The following CNOT1 variants were observed in gnomAD, a reference collection of about 807,000 sequenced individuals.
CNOT1 encodes CCR4-NOT transcription complex subunit 1, also known as CCR4-associated factor 1.
In CNOT1, 15 loss-of-function variants were observed where a neutral mutation model predicts 273.8. The observed-to-expected ratio is 0.05, with a 90% CI of 0.04 to 0.08. The LOEUF (loss-of-function observed/expected upper bound fraction) is 0.08. CNOT1 is among the 10% of genes least tolerant of loss of function. The probability of loss-of-function intolerance (pLI) is 1.00; values close to 1 mark genes in which losing one functional copy is unlikely to be tolerated. For missense variants in CNOT1, 1,644 were observed against 2,912.2 expected (o/e 0.56, Z 10.02); for synonymous variants, 1,022 against 1,005.5 (o/e 1.02, Z -0.31).
At chr16:58,532,210 A>G in intron 41 of CNOT1, 22 bp downstream of exon 41, 1 of 1,609,610 alleles carries the variant, frequency 6.2e-7, no homozygotes, top group Non-Finnish European at 8.5e-7. Flanking sequence ...CCTTAACACA[A>G]AATCGCAAAC....
chr16:58,533,645 AAAAC>A (rs757039351), intron 40 of CNOT1, among the ~76,000 whole-genome samples: 9 of 147,742 alleles, frequency 6.1e-5, no homozygotes, highest in Non-Finnish European at 1.4e-4. Flanking sequence ...AAAACAACAG[AAAAC>A]AAACAAAACA....
intron 2 of CNOT1, among the ~76,000 whole-genome samples, chr16:58,590,893 G>A (rs1436619696): frequency 1.3e-5 from 2 of 152,186 alleles, no homozygotes; most frequent in Non-Finnish European, 2.9e-5. Context: ...TACTAGTCTA[G>A]GTGTAAACAC....
chr16:58,556,815 A>T lies in CNOT1; in HGVS notation c.2479+32T>A, dbSNP rs562551783. On this transcript the variant is annotated intron_variant, in intron 19 of 48. Transcript: ENST00000317147. ...ACAACTAAACATTTTTATCAGTCAC[A>T]CTTCACAATCACAGACAACACTACC... is the stretch of plus-strand genomic sequence containing the variant. 4.4e-5 allele frequency: 70 copies of T among 1,607,220 alleles called. 3 individuals are homozygous for T. In the South Asian group the frequency reaches 7.1e-4, roughly 16 times the overall value.
chr16:58,537,484 A>C (rs2039962534), intron 38 of CNOT1, among the ~76,000 whole-genome samples: 1 of 152,226 alleles, frequency 6.6e-6, no homozygotes, highest in Non-Finnish European at 1.5e-5. Context: ...CAGAGTCGAC[A>C]AATATTCACT....
intron 7 of CNOT1, among the ~76,000 whole-genome samples, chr16:58,586,039 T>C (rs888874982): frequency 1.3e-5 from 2 of 150,934 alleles, no homozygotes; most frequent in African/African-American, 4.9e-5. Context: ...GGCAACAAAA[T>C]AACTAGGATT....
rs571685281 is a variant in CNOT1 at position 58,581,534 on chromosome 16, G to C, written c.1045-19C>G. The C allele has an allele frequency of 2.9e-5, 47 of 1,593,534 alleles. No homozygotes were observed. The South Asian group carries it at 5.2e-4, about 18-fold the overall frequency. On this transcript the variant is annotated intron_variant, in intron 10 of 48. Coordinates refer to ENST00000317147, the MANE Select transcript of CNOT1 (RefSeq NM_016284.5). ...TTGGATTCTAAAAAAGACCAAAGCA[G>C]TTTAAAATGTAATGAATGTGTGTAT...
Position 58,531,812 on chromosome 16 carries a change from TTGAG to T in CNOT1, c.6177+142_6177+145del, listed in dbSNP as rs573220072. On this transcript the variant is annotated intron_variant, in intron 42 of 48. Transcript: ENST00000317147. ...AGGCAGAGGCAGTCAAGTAATTGACTTGAGTGAACACTAAATAGCATTCCCAACT... is the reference window on the plus strand; with the variant it reads ...AGGCAGAGGCAGTCAAGTAATTGACTTGAACACTAAATAGCATTCCCAACT... 602 of 965,322 alleles carry T rather than the reference TTGAG, an allele frequency of 6.2e-4. 4 individuals are homozygous for T. In the African/African-American group the frequency reaches 8.5e-3, roughly 14 times the overall value. The allele number at this position is 965,322 out of a possible 1,614,324, so 59.8% of individuals were successfully genotyped here.
Position 58,587,216 on chromosome 16 carries a change from C to G in CNOT1, c.418G>C (p.Asp140His). The G allele has an allele frequency of 6.2e-7, 1 of 1,613,484 alleles. No homozygotes were observed. Among genetic ancestry groups the G allele is most frequent in the Non-Finnish European group, 8.5e-7 (1 of 1,179,866 alleles). The change falls in exon 6 of 49, where the codon GAT (aspartate) becomes CAT (histidine). Residue 140 changes from aspartate (D) to histidine (H), a missense_variant. Asp to His is a moderately conservative substitution (Grantham distance 81). This residue lies in a region of CNOT1 where 706 missense variants were observed against 1,021.2 expected (regional missense o/e 0.69). Transcript: ENST00000317147. ...AGTAACTCACCGAAACCTCTAAGAT[C>G]TGAGCTGGAAGAATTCAACAGGGCA... Reference protein sequence around the residue: ...GLALLNSSSSDLRGFAAQFIK... With the variant: ...GLALLNSSSSHLRGFAAQFIK...
chr16:58,596,887 CAAAAAAAAAAAAAAA>C (rs58567423), intron 2 of CNOT1, among the ~76,000 whole-genome samples: 10 of 69,988 alleles, frequency 1.4e-4, no homozygotes, highest in East Asian at 8.3e-4. Context: ...GACTCCGTCT[CAAAAAAAAAAAAAAA>C]AAAAAAAAAA....
intron 8 of CNOT1, 81 bp from the exon 9 acceptor site, chr16:58,583,263 GT>G: frequency 1.9e-6 from 3 of 1,571,996 alleles, no homozygotes; most frequent in Non-Finnish European, 2.6e-6. Flanking sequence ...AATGAACCTT[GT>G]TTGAAAGCCT....
intron 3 of CNOT1, among the ~76,000 whole-genome samples, chr16:58,588,134 A>C (rs576047448): frequency 9.9e-5 from 15 of 152,210 alleles, no homozygotes; most frequent in Admixed American, 7.9e-4. Context: ...CCCTCTCTCT[A>C]CTAAAAATAC....
At chr16:58,594,433 A>G (rs1448116275) in intron 2 of CNOT1, among the ~76,000 whole-genome samples, 5 of 152,118 alleles carry the variant, frequency 3.3e-5, no homozygotes, top group Non-Finnish European at 7.4e-5. Flanking sequence ...AGGTAATGAA[A>G]ATGTTCTGAA....
chr16:58,574,743 C>T lies in CNOT1; in HGVS notation c.1845G>A (p.Ala615=), dbSNP rs1463887770. The T allele has an allele frequency of 3.8e-6, 6 of 1,597,218 alleles. No individual in the cohort carries two copies. The highest frequency in any genetic ancestry group is 2.2e-5 in the East Asian group (1 of 44,846). The change falls in exon 16 of 49, where the codon GCG becomes GCA. Residue 615 remains alanine (A), a synonymous_variant. Transcript: ENST00000317147. Reference sequence around the variant, plus strand: ...ACCGTCTCTTTAAAAAAGTCATACACGCCTGGATAAAAGGCTCCTGAAGAA... The same window carrying T: ...ACCGTCTCTTTAAAAAAGTCATACATGCCTGGATAAAAGGCTCCTGAAGAA... ...IREHGEPFIQ[A]CMTFLKRRCP...
intron 24 of CNOT1, 67 bp from the exon 25 acceptor site, chr16:58,549,965 G>T (rs112696257): frequency 3.1e-6 from 5 of 1,604,122 alleles, no homozygotes; most frequent in African/African-American, 2.7e-5. Flanking sequence ...TGGTTTCTAT[G>T]AACCATACTA....
chr16:58,570,872 C>T (rs908115077), intron 16 of CNOT1, among the ~76,000 whole-genome samples: 1 of 150,140 alleles, frequency 6.7e-6, no homozygotes, highest in Non-Finnish European at 1.5e-5. Flanking sequence ...TGGTACACTA[C>T]AAAATATCTA....
chr16:58,577,108 G>A (rs1263312331), intron 13 of CNOT1, among the ~76,000 whole-genome samples: 1 of 150,300 alleles, frequency 6.7e-6, no homozygotes, highest in African/African-American at 2.4e-5. Context: ...TTTTTTTACT[G>A]GCAGGTAGCC....
intron 1 of CNOT1, among the ~76,000 whole-genome samples, chr16:58,608,929 G>A (rs535337807): frequency 1.3e-4 from 20 of 152,280 alleles, no homozygotes; most frequent in South Asian, 4.1e-4. Flanking sequence ...ATGCAAAGGC[G>A]TAAGAATGAC....
chr16:58,582,959 G>A, intron 9 of CNOT1, 56 bp from the exon 10 acceptor site: 1 of 1,611,540 alleles, frequency 6.2e-7, no homozygotes, highest in Non-Finnish European at 8.5e-7. Flanking sequence ...GTTCACTTCT[G>A]GTCGATAGAA....
At chr16:58,560,403 T>C (rs1386979790) in intron 16 of CNOT1, 41 bp from the exon 17 acceptor site, 1 of 1,593,580 alleles carries the variant, frequency 6.3e-7, no homozygotes, top group Non-Finnish European at 8.5e-7. Context: ...CAGTTCCTAT[T>C]CTCTAGCACA....
Sources: allele counts gnomAD v4.1 joint callset (sites outside exome capture counted in the v4.1 genomes callset), GRCh38; gene constraint gnomAD v4.1.1; regional missense constraint gnomAD v4.1.1; transcripts MANE v1.5; gene names NCBI Gene and HGNC (gene_info 2026-07-23, HGNC 2026-07-21).